Variants in ENTPD7 observed in about 807,000 individuals in gnomAD.
ENTPD7 encodes NTPDase 7.
Under a neutral mutation model 77.9 loss-of-function variants are expected in ENTPD7, and 53 were observed. The observed-to-expected ratio is 0.68, with a 90% confidence interval of 0.55 to 0.85. The LOEUF is 0.85. Among genes scored for constraint, ENTPD7 ranks in the 40% least tolerant of loss-of-function variants. ENTPD7 has a pLI of 0.00. For missense variants in ENTPD7, 636 were observed against 743.7 expected (o/e 0.86, Z 1.68); for synonymous variants, 248 against 274.9 (o/e 0.90, Z 0.97).
intron 6 of ENTPD7, among the ~76,000 whole-genome samples, 179 bp from the exon 7 acceptor site, chr10:99,688,515 A>G (rs1049722186): frequency 8.5e-5 from 13 of 152,228 alleles, no homozygotes; most frequent in Non-Finnish European, 1.6e-4. Flanking sequence ...GATGCAAATA[A>G]TTTTAAAAGG....
intron 11 of ENTPD7, among the ~76,000 whole-genome samples, chr10:99,701,848 G>C (rs2036138000): frequency 6.6e-6 from 1 of 151,550 alleles, no homozygotes; most frequent in Non-Finnish European, 1.5e-5. Flanking sequence ...AGGAGTTCAA[G>C]ACCAGCCTGG....
At chr10:99,691,233 C>T (rs1389841394) in intron 7 of ENTPD7, 152 bp from the exon 8 acceptor site, 2 of 751,776 alleles carry the variant, frequency 2.7e-6, no homozygotes, top group African/African-American at 1.8e-5. Flanking sequence ...CTCACATAAT[C>T]CTCCCACCTT....
intron 3 of ENTPD7, among the ~76,000 whole-genome samples, chr10:99,673,321 CA>C (rs370518830): frequency 1.9e-4 from 27 of 143,166 alleles, no homozygotes; most frequent in South Asian, 1.6e-3. Context: ...TTATATATGA[CA>C]AAAAAAAAAG....
intron 3 of ENTPD7, among the ~76,000 whole-genome samples, chr10:99,671,195 A>G (rs181966727): frequency 6.6e-6 from 1 of 152,000 alleles, no homozygotes; most frequent in Non-Finnish European, 1.5e-5. Flanking sequence ...AAATTTATTT[A>G]AAAATTATTT....
chr10:99,695,454 G>A lies in ENTPD7; in HGVS notation c.844-502G>A, dbSNP rs538159293. ...GCAGAATTGCTTGAACCCGGGAGGCGGAGGTTGCAGTGAGCCGAGAGCATG... is the reference window on the plus strand; with the variant it reads ...GCAGAATTGCTTGAACCCGGGAGGCAGAGGTTGCAGTGAGCCGAGAGCATG... On this transcript the variant is annotated intron_variant, in intron 8 of 12. Transcript: ENST00000370489. Among the ~76,000 whole-genome samples the A allele has an allele frequency of 4.6e-5, 7 of 152,060 alleles. No individual in the cohort carries two copies. The East Asian group carries it at 5.8e-4, about 13-fold the overall frequency.
chr10:99,705,233 T>C lies in ENTPD7; in HGVS notation c.*550T>C, dbSNP rs1179596751. The C allele has an allele frequency of 1.3e-5, 2 of 159,044 alleles. No individual in the cohort carries two copies. Among genetic ancestry groups the C allele is most frequent in the Admixed American group, 1.2e-4 (2 of 16,938 alleles). The allele number at this position is 159,044 out of a possible 1,614,324, so 9.9% of individuals were successfully genotyped here. A position where few individuals can be genotyped will look rare whatever the true frequency, so the allele number is the denominator to read the frequency against. The stretch of plus-strand genomic sequence containing the variant: ...ACCAAAATGATATAACTTCCTTGCT[T>C]CCTTGACAAAGAAGCCATCATGGGT... On this transcript the variant is annotated 3_prime_UTR_variant, in exon 13 of 13. Transcript: ENST00000370489.
chr10:99,691,833 T>C (rs2035888311), intron 8 of ENTPD7, among the ~76,000 whole-genome samples: 1 of 152,248 alleles, frequency 6.6e-6, no homozygotes, highest in South Asian at 2.1e-4. Flanking sequence ...CTCCTGCCAT[T>C]GCTGAGGATA....
chr10:99,676,109 C>T lies in ENTPD7; in HGVS notation c.192-3152C>T, dbSNP rs183776475. On this transcript the variant is annotated intron_variant, in intron 3 of 12. Coordinates refer to ENST00000370489, the MANE Select transcript of ENTPD7 (RefSeq NM_020354.5). The stretch of plus-strand genomic sequence containing the variant: ...TTGATATATTGTAACAGATTGAATA[C>T]GGAAGTAAATGCGAGAATCTAGGGT... Among the ~76,000 whole-genome samples, 209 of 151,880 alleles carry T rather than the reference C, an allele frequency of 1.4e-3. 1 individual carries two copies. The highest frequency in any genetic ancestry group is 4.8e-3 in the African/African-American group (198 of 41,388).
chr10:99,672,502 C>T (rs757074949), intron 3 of ENTPD7, among the ~76,000 whole-genome samples: 11 of 151,820 alleles, frequency 7.2e-5, no homozygotes, highest in African/African-American at 9.7e-5. Context: ...GATGGGGTTT[C>T]GCCATGTTGC....
At chr10:99,692,045 A>G (rs2035891357) in intron 8 of ENTPD7, among the ~76,000 whole-genome samples, 1 of 148,120 alleles carries the variant, frequency 6.8e-6, no homozygotes, top group African/African-American at 2.7e-5. Context: ...ATGTACACCT[A>G]TTATGTACAC....
intron 12 of ENTPD7, among the ~76,000 whole-genome samples, chr10:99,703,060 C>G (rs2036173668): frequency 6.6e-6 from 1 of 152,192 alleles, no homozygotes; most frequent in Non-Finnish European, 1.5e-5. Flanking sequence ...GGTAGGATGT[C>G]TAGAGCAATC....
At position 99,709,661 on chromosome 10, in the gene ENTPD7, C is replaced by T; in HGVS notation, c.*4978C>T. 2.0e-6 allele frequency: 2 copies of T among 985,408 alleles called. No homozygotes were observed. Among genetic ancestry groups the T allele is most frequent in the Non-Finnish European group, 2.4e-6 (2 of 829,924 alleles). The allele number at this position is 985,408 out of a possible 1,614,324, so 61.0% of individuals were successfully genotyped here. On this transcript the variant is annotated 3_prime_UTR_variant, in exon 13 of 13. Transcript: ENST00000370489. ...ATCTAAGTTGGAAAGCTGTGGCACC[C>T]TGTTTGGGTGTCCCATCTACCCTGT...
chr10:99,690,673 G>A (rs1328584963), intron 7 of ENTPD7, among the ~76,000 whole-genome samples: 1 of 151,932 alleles, frequency 6.6e-6, no homozygotes, highest in African/African-American at 2.4e-5. Flanking sequence ...CCCCTGAGTA[G>A]TTGGGATTAC....
chr10:99,663,773 G>A (rs2133437366), intron 3 of ENTPD7, among the ~76,000 whole-genome samples: 1 of 152,076 alleles, frequency 6.6e-6, no homozygotes, highest in South Asian at 2.1e-4. Context: ...CCTGATTCTT[G>A]TGCTTGTGAT....
At position 99,675,904 on chromosome 10, in the gene ENTPD7, T is replaced by C. The variant is rs1338396786; in HGVS notation, c.192-3357T>C. Among the ~76,000 whole-genome samples the C allele has an allele frequency of 2.0e-5, 3 of 152,138 alleles. No homozygotes were observed. The East Asian group carries it at 5.8e-4, about 29-fold the overall frequency. ...AGCCACTGCGCCCAATCGTGACTAA[T>C]CTTTAAGAAACGCTACTTGTTGAGT... On this transcript the variant is annotated intron_variant, in intron 3 of 12. Transcript: ENST00000370489.
intron 10 of ENTPD7, 48 bp downstream of exon 10, chr10:99,698,906 T>C (rs1481999900): frequency 9.8e-6 from 15 of 1,526,738 alleles, no homozygotes; most frequent in South Asian, 5.1e-5. Context: ...CAGCCATTTA[T>C]TGAATGCCTC....
intron 9 of ENTPD7, among the ~76,000 whole-genome samples, chr10:99,696,941 C>A (rs2035994959): frequency 6.6e-6 from 1 of 152,122 alleles, no homozygotes; most frequent in Non-Finnish European, 1.5e-5. Flanking sequence ...GAAACCCAGT[C>A]ACGGAGAGAA....
At chr10:99,690,628 C>T (rs1209248700) in intron 7 of ENTPD7, among the ~76,000 whole-genome samples, 2 of 151,658 alleles carry the variant, frequency 1.3e-5, no homozygotes, top group Non-Finnish European at 2.9e-5. Flanking sequence ...CTACAACCTC[C>T]GCCTGTCGGG....
chr10:99,703,423 C>T (rs959373935), intron 12 of ENTPD7, among the ~76,000 whole-genome samples: 1 of 152,210 alleles, frequency 6.6e-6, no homozygotes, highest in Admixed American at 6.5e-5. Flanking sequence ...GTTACTGTCA[C>T]ACACAAGCAC....
Sources: gnomAD v4.1 joint callset for allele counts (sites outside exome capture counted in the v4.1 genomes callset) on GRCh38, gnomAD v4.1.1 for gene constraint, MANE v1.5 for transcripts, NCBI Gene and HGNC (gene_info 2026-07-23, HGNC 2026-07-21) for gene names.